ARB2A: variants seen among roughly 807,000 people sequenced by gnomAD.
ARB2A encodes ARB2 cotranscriptional regulator A.
the ARB2A span, among the ~76,000 whole-genome samples, chr5:93,943,516 A>G: frequency 6.6e-6 from 1 of 152,186 alleles, no homozygotes; most frequent in African/African-American, 2.4e-5. Context: ...ATAAGCAGCT[A>G]GATGGCATTA....
the ARB2A span, among the ~76,000 whole-genome samples, chr5:93,657,408 T>C: frequency 2.0e-5 from 3 of 152,194 alleles, no homozygotes; most frequent in Non-Finnish European, 2.9e-5. Flanking sequence ...TTTCATGACA[T>C]GTCTTATACT....
chr5:94,077,792 T>C, the ARB2A span, among the ~76,000 whole-genome samples: 1 of 152,230 alleles, frequency 6.6e-6, no homozygotes, highest in Non-Finnish European at 1.5e-5. Flanking sequence ...GTATACTTCA[T>C]GATAACCACT....
chr5:93,994,200 G>GA, the ARB2A span, among the ~76,000 whole-genome samples: 1 of 152,260 alleles, frequency 6.6e-6, no homozygotes, highest in East Asian at 1.9e-4. Flanking sequence ...GAATCTCAAA[G>GA]AGACATCTGC....
chr5:93,735,123 C>T, the ARB2A span: 1 of 152,154 alleles, frequency 6.6e-6, no homozygotes, highest in Admixed American at 6.5e-5. Context: ...AACTACTTAA[C>T]AATATAGTCT....
the ARB2A span, among the ~76,000 whole-genome samples, chr5:93,776,534 T>G: frequency 1.3e-5 from 2 of 152,178 alleles, no homozygotes; most frequent in Non-Finnish European, 2.9e-5. Flanking sequence ...TCCCAGCACT[T>G]TGGGAGGCCG....
chr5:94,010,224 A>G, the ARB2A span, among the ~76,000 whole-genome samples: 3 of 152,112 alleles, frequency 2.0e-5, no homozygotes, highest in East Asian at 5.8e-4. Context: ...GTTGCATACC[A>G]TAAGTTTTGA....
At chr5:94,063,169 A>C in the ARB2A span, among the ~76,000 whole-genome samples, 1 of 151,782 alleles carries the variant, frequency 6.6e-6, no homozygotes, top group Non-Finnish European at 1.5e-5. Flanking sequence ...TGGTGGGAAG[A>C]GGGCAGGTCC....
At chr5:93,716,042 T>TGA in the ARB2A span, among the ~76,000 whole-genome samples, 1 of 152,166 alleles carries the variant, frequency 6.6e-6, no homozygotes, top group African/African-American at 2.4e-5. Context: ...CTCTGCTGAG[T>TGA]GATAGCTCAT....
At chr5:93,998,745 G>A in the ARB2A span, among the ~76,000 whole-genome samples, 3 of 151,960 alleles carry the variant, frequency 2.0e-5, no homozygotes, top group Non-Finnish European at 4.4e-5. Context: ...ATGACTAAAT[G>A]ATTCTGATAT....
At chr5:93,975,709 A>G in the ARB2A span, among the ~76,000 whole-genome samples, 3 of 152,164 alleles carry the variant, frequency 2.0e-5, no homozygotes, top group Non-Finnish European at 4.4e-5. Context: ...TCCCTGAAAC[A>G]CACAACCTCC....
At chr5:93,766,865 C>T in the ARB2A span, among the ~76,000 whole-genome samples, 1 of 152,014 alleles carries the variant, frequency 6.6e-6, no homozygotes, top group Non-Finnish European at 1.5e-5. Flanking sequence ...AGCCATAAAA[C>T]AGGATGAGTT....
At chr5:93,828,351 G>T in the ARB2A span, among the ~76,000 whole-genome samples, 6 of 152,268 alleles carry the variant, frequency 3.9e-5, no homozygotes, top group South Asian at 8.3e-4. Flanking sequence ...TCTCTTTGAA[G>T]CAATTGTGAA....
the ARB2A span, among the ~76,000 whole-genome samples, chr5:93,872,935 A>G: frequency 6.6e-6 from 1 of 151,996 alleles, no homozygotes; most frequent in Non-Finnish European, 1.5e-5. Context: ...AAGAAAGAAA[A>G]AAAATAATGG....
chr5:93,806,693 A>G, the ARB2A span, among the ~76,000 whole-genome samples: 1 of 151,944 alleles, frequency 6.6e-6, no homozygotes, highest in Non-Finnish European at 1.5e-5. Context: ...AAACAAAAGA[A>G]ATATGATCTC....
chr5:93,958,803 T>A, the ARB2A span: 2 of 1,561,264 alleles, frequency 1.3e-6, no homozygotes, highest in Admixed American at 1.7e-5. Context: ...ATAAACGGTA[T>A]CTGTGTGCCA....
chr5:93,640,054 ACT>A, the ARB2A span, among the ~76,000 whole-genome samples: 3 of 125,320 alleles, frequency 2.4e-5, no homozygotes, highest in Non-Finnish European at 4.8e-5. Context: ...ACAGTGAGAG[ACT>A]CTGTCTCCAA....
chr5:93,766,164 C>T, the ARB2A span, among the ~76,000 whole-genome samples: 1 of 152,072 alleles, frequency 6.6e-6, no homozygotes, highest in Non-Finnish European at 1.5e-5. Flanking sequence ...AAAGCAATGG[C>T]AACAAAAGCC....
the ARB2A span, among the ~76,000 whole-genome samples, chr5:93,924,101 A>G: frequency 6.6e-6 from 1 of 152,154 alleles, no homozygotes; most frequent in Non-Finnish European, 1.5e-5. Flanking sequence ...CACTATGAAG[A>G]TAGACTGGAC....
At chr5:93,948,415 T>C in the ARB2A span, among the ~76,000 whole-genome samples, 2 of 152,350 alleles carry the variant, frequency 1.3e-5, no homozygotes, top group African/African-American at 4.8e-5. Context: ...ATTAGCCCTT[T>C]GTCAGATGAG....
Sources: gnomAD v4.1 joint callset for allele counts (sites outside exome capture counted in the v4.1 genomes callset) on GRCh38, gnomAD v4.1.1 for gene constraint, MANE v1.5 for transcripts, NCBI Gene and HGNC (gene_info 2026-07-23, HGNC 2026-07-21) for gene names.